AOAH: variants seen among roughly 807,000 people sequenced by gnomAD.
AOAH encodes acyloxyacyl hydrolase.
A neutral mutation model predicts 92.2 loss-of-function variants in AOAH; 64 were observed. The ratio of observed to expected loss-of-function variants is 0.69; its 90% CI spans 0.57 to 0.86. The LOEUF (loss-of-function observed/expected upper bound fraction) is 0.86, where lower values mean the gene tolerates loss of function less well. AOAH is among the 40% of genes least tolerant of loss of function. AOAH has a pLI of 0.00. For missense variants in AOAH, 656 were observed against 694.6 expected (o/e 0.94, Z 0.62); for synonymous variants, 263 against 254.5 (o/e 1.03, Z -0.32).
chr7:36,561,040 CTTT>C (rs72472573), intron 13 of AOAH, among the ~76,000 whole-genome samples: 16,151 of 121,742 alleles, frequency 0.13, 877 homozygotes, highest in East Asian at 0.16. Flanking sequence ...GCACTGGGAA[CTTT>C]TTTTTTTTTT....
chr7:36,667,286 T>G (rs1457194905), intron 3 of AOAH, among the ~76,000 whole-genome samples: 1 of 152,238 alleles, frequency 6.6e-6, no homozygotes, highest in Non-Finnish European at 1.5e-5. Context: ...ACCTGGGATG[T>G]GAATTGTTCC....
intron 1 of AOAH, among the ~76,000 whole-genome samples, chr7:36,693,120 G>C (rs964461070): frequency 6.6e-6 from 1 of 152,204 alleles, no homozygotes; most frequent in Admixed American, 6.5e-5. Flanking sequence ...CCATACTACA[G>C]ACTATAGGCT....
chr7:36,529,257 T>G (rs1358743418), intron 19 of AOAH, among the ~76,000 whole-genome samples: 2 of 151,952 alleles, frequency 1.3e-5, no homozygotes, highest in Non-Finnish European at 2.9e-5. Flanking sequence ...CATGTGAGTG[T>G]TAGACATTAT....
chr7:36,577,006 C>T (rs906903604), intron 12 of AOAH, among the ~76,000 whole-genome samples: 4 of 151,618 alleles, frequency 2.6e-5, no homozygotes, highest in African/African-American at 9.7e-5. Context: ...TTATTTTGAA[C>T]CTGATCATGT....
At chr7:36,519,691 A>C (rs1291639209) in intron 20 of AOAH, among the ~76,000 whole-genome samples, 5 of 152,198 alleles carry the variant, frequency 3.3e-5, no homozygotes, top group African/African-American at 1.2e-4. Flanking sequence ...TGGCCTCCCA[A>C]AGTGCTGGGA....
rs34390772 is a variant in AOAH, at chr7:36,520,708, GAAAA to G, written c.1599+1327_1599+1330del. On this transcript the variant is annotated intron_variant, in intron 20 of 20. Coordinates refer to ENST00000617537, the MANE Select transcript of AOAH (RefSeq NM_001637.4). ...CAACAAGAGTGAAACTCTGTCTCGA[GAAAA>G]AAAAAAAAAAAAAATAGAAAGTAGG... Among the ~76,000 whole-genome samples the G allele has an allele frequency of 1.3e-3, 169 of 134,788 alleles. 1 individual carries two copies. Among genetic ancestry groups the G allele is most frequent in the South Asian group, 5.2e-3 (22 of 4,220 alleles). 88.4% of individuals were successfully genotyped at this position (134,788 alleles called of 152,430 possible).
intron 11 of AOAH, among the ~76,000 whole-genome samples, chr7:36,602,331 G>C (rs990532236): frequency 6.6e-6 from 1 of 151,624 alleles, no homozygotes; most frequent in Admixed American, 6.6e-5. Context: ...CTAACCCTAT[G>C]ATTTATTTAT....
intron 20 of AOAH, among the ~76,000 whole-genome samples, chr7:36,521,607 A>C (rs1048319346): frequency 6.6e-6 from 1 of 152,138 alleles, no homozygotes; most frequent in African/African-American, 2.4e-5. Flanking sequence ...CTTTCTAGAA[A>C]GACCATAGAA....
chr7:36,668,634 G>A (rs1795708341), intron 3 of AOAH, among the ~76,000 whole-genome samples: 1 of 152,132 alleles, frequency 6.6e-6, no homozygotes, highest in Admixed American at 6.5e-5. Flanking sequence ...TTAGAGAGGT[G>A]CACCGCCACC....
intron 4 of AOAH, among the ~76,000 whole-genome samples, chr7:36,647,354 G>A (rs1794288350): frequency 6.6e-6 from 1 of 152,294 alleles, no homozygotes; most frequent in African/African-American, 2.4e-5. Flanking sequence ...TGGATGCTGG[G>A]AGAGCAGTGA....
At chr7:36,721,733 T>C (rs376732315) in intron 1 of AOAH, among the ~76,000 whole-genome samples, 18 of 152,274 alleles carry the variant, frequency 1.2e-4, no homozygotes, top group East Asian at 7.7e-4. Context: ...AAAGTGAACC[T>C]CTGTGAATGA....
At chr7:36,624,317 G>A (rs1583972373) in intron 6 of AOAH, among the ~76,000 whole-genome samples, 1 of 152,300 alleles carries the variant, frequency 6.6e-6, no homozygotes, top group Non-Finnish European at 1.5e-5. Context: ...ACCTTTTATA[G>A]GAATCACTAA....
chr7:36,620,171 G>A (rs1289612431), intron 9 of AOAH, among the ~76,000 whole-genome samples: 1 of 152,172 alleles, frequency 6.6e-6, no homozygotes, highest in African/African-American at 2.4e-5. Flanking sequence ...GTATTTTTAA[G>A]TAGATATTCT....
chr7:36,616,018 G>A (rs991181769), intron 11 of AOAH, among the ~76,000 whole-genome samples: 1 of 152,198 alleles, frequency 6.6e-6, no homozygotes, highest in African/African-American at 2.4e-5. Flanking sequence ...GCTCTGCCCA[G>A]AGCTTCTTGC....
At chr7:36,580,689 G>A (rs1391599968) in intron 12 of AOAH, among the ~76,000 whole-genome samples, 1 of 152,276 alleles carries the variant, frequency 6.6e-6, no homozygotes, top group Admixed American at 6.5e-5. Context: ...CTAGTTGCCA[G>A]CTAAAAAGCT....
At chr7:36,586,467 C>A (rs1025612649) in intron 12 of AOAH, among the ~76,000 whole-genome samples, 2 of 152,188 alleles carry the variant, frequency 1.3e-5, no homozygotes, top group Non-Finnish European at 2.9e-5. Context: ...ACTTTATTTC[C>A]TTGCCCTCCA....
At chr7:36,615,153 T>C (rs1791764387) in intron 11 of AOAH, among the ~76,000 whole-genome samples, 1 of 152,196 alleles carries the variant, frequency 6.6e-6, no homozygotes, top group Non-Finnish European at 1.5e-5. Flanking sequence ...AGGGACAAGC[T>C]ACTACATAAG....
intron 1 of AOAH, among the ~76,000 whole-genome samples, chr7:36,705,291 T>C (rs967985768): frequency 2.0e-5 from 3 of 152,156 alleles, no homozygotes; most frequent in Non-Finnish European, 2.9e-5. Context: ...CAGCAAAGTC[T>C]CAGGATACAA....
chr7:36,563,682 C>A (rs1787454548), intron 13 of AOAH, among the ~76,000 whole-genome samples: 1 of 152,104 alleles, frequency 6.6e-6, no homozygotes, highest in South Asian at 2.1e-4. Flanking sequence ...TAAAATACAT[C>A]TATTAACATT....
Sources: allele counts gnomAD v4.1 joint callset (sites outside exome capture counted in the v4.1 genomes callset), GRCh38; gene constraint gnomAD v4.1.1; transcripts MANE v1.5; gene names NCBI Gene and HGNC (gene_info 2026-07-23, HGNC 2026-07-21).